Variants in FBXL7 observed in about 807,000 individuals in gnomAD.
The protein encoded by FBXL7 is F-box/LRR-repeat protein 7.
FBXL7 carries 12 observed loss-of-function variants against 38.3 expected under a neutral mutation model. That is an observed-to-expected ratio of 0.31 (90% CI 0.20 to 0.51). The LOEUF (loss-of-function observed/expected upper bound fraction) is 0.51, where lower values mean the gene tolerates loss of function less well. Ranked by LOEUF, FBXL7 falls within the 20% of genes least tolerant of loss-of-function variation. FBXL7 has a pLI of 0.98. For synonymous variants in FBXL7, 297 were observed against 300.9 expected, an observed-to-expected ratio of 0.99 and a Z score of 0.13; for missense variants, 567 against 676.4, an observed-to-expected ratio of 0.84 and a Z score of 1.79.
intron 1 of FBXL7, among the ~76,000 whole-genome samples, chr5:15,523,205 G>A (rs911560645): frequency 2.6e-5 from 4 of 152,128 alleles, no homozygotes; most frequent in African/African-American, 9.7e-5. Context: ...GTTTATTAGA[G>A]TAAAACAGCT....
intron 2 of FBXL7, among the ~76,000 whole-genome samples, chr5:15,860,311 A>G (rs1739422798): frequency 6.6e-6 from 1 of 152,166 alleles, no homozygotes; most frequent in Admixed American, 6.5e-5. Flanking sequence ...ATTGAATCAG[A>G]TATTTTATTT....
At chr5:15,564,074 T>C (rs2126441101) in intron 1 of FBXL7, among the ~76,000 whole-genome samples, 1 of 152,242 alleles carries the variant, frequency 6.6e-6, no homozygotes, top group South Asian at 2.1e-4. Flanking sequence ...TGAATGTGTT[T>C]TCTGCAGTCC....
chr5:15,927,154 G>C (rs1204743050), intron 2 of FBXL7, among the ~76,000 whole-genome samples: 6 of 151,940 alleles, frequency 3.9e-5, no homozygotes, highest in Non-Finnish European at 8.8e-5. Context: ...AGTCCAGCTG[G>C]TCTGCTTTTA....
At chr5:15,932,301 C>G (rs1207010576) in intron 3 of FBXL7, among the ~76,000 whole-genome samples, 1 of 152,174 alleles carries the variant, frequency 6.6e-6, no homozygotes, top group Non-Finnish European at 1.5e-5. Context: ...TCGCAGCTGT[C>G]ATTGTCGTTG....
intron 1 of FBXL7, among the ~76,000 whole-genome samples, chr5:15,534,245 C>A (rs1737517943): frequency 6.6e-6 from 1 of 152,108 alleles, no homozygotes; most frequent in Non-Finnish European, 1.5e-5. Context: ...TGGGTCTTGA[C>A]AAATGTATAG....
intron 1 of FBXL7, among the ~76,000 whole-genome samples, chr5:15,567,580 C>A (rs1268306473): frequency 6.6e-6 from 1 of 151,048 alleles, no homozygotes; most frequent in Non-Finnish European, 1.5e-5. Flanking sequence ...CTGTCTCTTT[C>A]TTCTTTTTTT....
In FBXL7 at chr5:15,727,070, T is replaced by C. The variant is rs1579411958; in HGVS notation, c.127+110998T>C. 2.0e-5 allele frequency among the ~76,000 whole-genome samples: 3 copies of C among 152,228 alleles called. No homozygotes were observed. In the East Asian group the frequency reaches 5.8e-4, roughly 29 times the overall value. ...GTTATGCCATTCTAATTTGAATTTA[T>C]ACCAGCTTGGCTTCAATAACATACG... On this transcript the variant is annotated intron_variant, in intron 2 of 3. Coordinates refer to ENST00000504595, the MANE Select transcript of FBXL7 (RefSeq NM_012304.5).
At chr5:15,787,263 G>A (rs1421153016) in intron 2 of FBXL7, among the ~76,000 whole-genome samples, 2 of 152,200 alleles carry the variant, frequency 1.3e-5, no homozygotes, top group Non-Finnish European at 1.5e-5. Flanking sequence ...CGGCATTGAA[G>A]AGCTTGTAAT....
At chr5:15,693,405 T>G (rs925115516) in intron 2 of FBXL7, among the ~76,000 whole-genome samples, 1 of 152,170 alleles carries the variant, frequency 6.6e-6, no homozygotes, top group African/African-American at 2.4e-5. Context: ...AGGATCCATA[T>G]TCCCTTATTC....
At chr5:15,835,775 T>C (rs1373331719) in intron 2 of FBXL7, among the ~76,000 whole-genome samples, 5 of 152,130 alleles carry the variant, frequency 3.3e-5, no homozygotes, top group African/African-American at 1.2e-4. Flanking sequence ...AGGACAAAAA[T>C]CATCTTCATG....
chr5:15,553,613 ATC>A (rs928628813), intron 1 of FBXL7, among the ~76,000 whole-genome samples: 1 of 152,186 alleles, frequency 6.6e-6, no homozygotes, highest in Non-Finnish European at 1.5e-5. Context: ...AAATGAATAA[ATC>A]TCTGTTTTAC....
intron 2 of FBXL7, among the ~76,000 whole-genome samples, chr5:15,864,269 G>T (rs1000641494): frequency 2.0e-5 from 3 of 151,626 alleles, no homozygotes; most frequent in Non-Finnish European, 4.4e-5. Context: ...CCCAGTCTAG[G>T]TATTCCTTTA....
rs140545677 is a variant in FBXL7, at chr5:15,794,909, A to T, written c.128-132981A>T. ...TGGTTTCAATACAGGCCAGAGAGCA[A>T]GCAGGGTGCATTTCCTGTGGGAAAT... On this transcript the variant is annotated intron_variant, in intron 2 of 3. Transcript: ENST00000504595. 7.9e-5 allele frequency among the ~76,000 whole-genome samples: 12 copies of T among 152,368 alleles called. No homozygotes were observed. The East Asian group carries it at 2.3e-3, about 29-fold the overall frequency.
chr5:15,815,925 G>A (rs1269321774), intron 2 of FBXL7, among the ~76,000 whole-genome samples: 1 of 152,148 alleles, frequency 6.6e-6, no homozygotes, highest in Non-Finnish European at 1.5e-5. Context: ...GAAACGTGCT[G>A]CAGCATTCTC....
In FBXL7 at chr5:15,794,186, G is replaced by A. The variant is rs141967711; in HGVS notation, c.128-133704G>A. On this transcript the variant is annotated intron_variant, in intron 2 of 3. Coordinates refer to ENST00000504595, the MANE Select transcript of FBXL7 (RefSeq NM_012304.5). ...AATGTTATCTCTGTTGGCTAAAAGC[G>A]GAATAGACAGTCTACTTGTACTCCA... Among the ~76,000 whole-genome samples, 19 of 152,222 alleles carry A rather than the reference G, an allele frequency of 1.2e-4. No homozygotes were observed. The East Asian group carries it at 2.9e-3, about 23-fold the overall frequency.
chr5:15,809,325 A>T (rs1047798498), intron 2 of FBXL7, among the ~76,000 whole-genome samples: 4 of 152,296 alleles, frequency 2.6e-5, no homozygotes, highest in African/African-American at 9.6e-5. Context: ...CTTAATTAGG[A>T]AATGATCACT....
intron 2 of FBXL7, among the ~76,000 whole-genome samples, chr5:15,804,780 T>A (rs1737661065): frequency 6.6e-6 from 1 of 152,172 alleles, no homozygotes; most frequent in African/African-American, 2.4e-5. Context: ...TGCGTATTTC[T>A]TATGAAAATC....
intron 2 of FBXL7, among the ~76,000 whole-genome samples, chr5:15,736,494 A>C (rs1220406635): frequency 6.6e-6 from 1 of 152,230 alleles, no homozygotes; most frequent in Non-Finnish European, 1.5e-5. Flanking sequence ...AAATTAAAAT[A>C]ACAAATCCAC....
chr5:15,669,601 T>G lies in FBXL7; in HGVS notation c.127+53529T>G, dbSNP rs74389165. ...ACCTCTCCACCACAGGGATCAGCCC[T>G]GCATCTTGTTCTGACAACTCTCTGT... On this transcript the variant is annotated intron_variant, in intron 2 of 3. Coordinates refer to ENST00000504595, the MANE Select transcript of FBXL7 (RefSeq NM_012304.5). Among the ~76,000 whole-genome samples, 1,315 of 152,274 alleles carry G rather than the reference T, an allele frequency of 8.6e-3. 13 individuals carry two copies. The highest frequency in any genetic ancestry group is 0.03 in the African/African-American group (1,247 of 41,562).
Sources: allele counts gnomAD v4.1 joint callset (sites outside exome capture counted in the v4.1 genomes callset), GRCh38; gene constraint gnomAD v4.1.1; transcripts MANE v1.5; gene names NCBI Gene and HGNC (gene_info 2026-07-23, HGNC 2026-07-21).